Variants in ZEB1 observed in about 807,000 individuals in gnomAD.
The protein encoded by ZEB1 is zinc finger E-box binding homeobox 1.
A neutral mutation model predicts 84.9 loss-of-function variants in ZEB1; 21 were observed. The observed-to-expected ratio is 0.25, with a 90% confidence interval of 0.18 to 0.36. ZEB1 has a LOEUF of 0.36. Ranked by LOEUF, ZEB1 falls within the 10% of genes least tolerant of loss-of-function variation. The pLI, the probability that ZEB1 is intolerant of heterozygous loss-of-function variation, is 1.00. For missense variants in ZEB1, 1,104 were observed against 1,330.2 expected (o/e 0.83, Z 2.65); for synonymous variants, 420 against 471.1 (o/e 0.89, Z 1.41).
intron 1 of ZEB1, among the ~76,000 whole-genome samples, chr10:31,353,861 A>T (rs570091519): frequency 3.9e-5 from 6 of 152,312 alleles, no homozygotes; most frequent in Admixed American, 6.5e-5. Context: ...CAGAAGATTA[A>T]CTGAAAGCAC....
intron 1 of ZEB1, among the ~76,000 whole-genome samples, chr10:31,351,458 ATTCT>A (rs1170668392): frequency 1.3e-5 from 2 of 152,166 alleles, no homozygotes; most frequent in Admixed American, 6.6e-5. Flanking sequence ...CTATTTTAGA[ATTCT>A]TTATTTTCTA....
At chr10:31,369,870 T>C (rs2045383122) in intron 1 of ZEB1, among the ~76,000 whole-genome samples, 1 of 152,228 alleles carries the variant, frequency 6.6e-6, no homozygotes, top group African/African-American at 2.4e-5. Flanking sequence ...GTCCAACATT[T>C]ACCTTTCATC....
intron 1 of ZEB1, among the ~76,000 whole-genome samples, chr10:31,418,542 A>G (rs1057331767): frequency 3.3e-5 from 5 of 152,166 alleles, no homozygotes; most frequent in African/African-American, 7.2e-5. Context: ...TATTTAAAAA[A>G]TAAAAACAGA....
chr10:31,526,520 T>A (rs1299507843), intron 8 of ZEB1, 152 bp from the exon 9 acceptor site: 6 of 975,658 alleles, frequency 6.1e-6, no homozygotes, highest in Non-Finnish European at 9.0e-6. Context: ...CAAATTGCAA[T>A]ATTATATTAC....
rs528946684 is a variant in ZEB1 at position 31,451,515 on chromosome 10, T to C, written c.59-9522T>C. 5.9e-5 allele frequency among the ~76,000 whole-genome samples: 9 copies of C among 152,328 alleles called. No homozygotes were observed. The East Asian group carries it at 1.5e-3, about 26-fold the overall frequency. On this transcript the variant is annotated intron_variant, in intron 1 of 8. Transcript: ENST00000424869. ...ACTACCTATCTTCCATAAGTAACAG[T>C]TTCTATGAATTAAAAAGCATCCTTT...
At chr10:31,411,402 C>T (rs573497241) in intron 1 of ZEB1, among the ~76,000 whole-genome samples, 11 of 152,186 alleles carry the variant, frequency 7.2e-5, no homozygotes, top group Non-Finnish European at 5.9e-5. Context: ...GAGGCCGAGG[C>T]GAGTGGATCA....
chr10:31,422,299 G>A (rs2056301498), intron 1 of ZEB1, among the ~76,000 whole-genome samples: 1 of 152,174 alleles, frequency 6.6e-6, no homozygotes, highest in South Asian at 2.1e-4. Flanking sequence ...CTGAAGCTAT[G>A]AAGTAGAAAG....
At chr10:31,382,337 CT>C (rs1345567949) in intron 1 of ZEB1, among the ~76,000 whole-genome samples, 1 of 152,110 alleles carries the variant, frequency 6.6e-6, no homozygotes, top group Non-Finnish European at 1.5e-5. Flanking sequence ...TCTACTCATA[CT>C]TTACTGAATT....
chr10:31,358,181 A>T (rs2042410242), intron 1 of ZEB1: 1 of 152,208 alleles, frequency 6.6e-6, no homozygotes, highest in Non-Finnish European at 1.5e-5. Flanking sequence ...CGCATTGACC[A>T]CTGGGAGAGA....
chr10:31,446,351 T>A (rs996209090), intron 1 of ZEB1, among the ~76,000 whole-genome samples: 10 of 152,278 alleles, frequency 6.6e-5, no homozygotes, highest in Admixed American at 1.3e-4. Context: ...TGTTGATCCT[T>A]TCAAAAAACC....
intron 1 of ZEB1, among the ~76,000 whole-genome samples, chr10:31,369,261 A>G (rs555535051): frequency 6.6e-6 from 1 of 152,246 alleles, no homozygotes; most frequent in Non-Finnish European, 1.5e-5. Flanking sequence ...AATACTTAAA[A>G]CGTTATTATT....
intron 1 of ZEB1, among the ~76,000 whole-genome samples, chr10:31,382,344 G>A (rs996530862): frequency 6.6e-6 from 1 of 152,036 alleles, no homozygotes; most frequent in African/African-American, 2.4e-5. Context: ...ATACTTTACT[G>A]AATTAATACA....
intron 1 of ZEB1, among the ~76,000 whole-genome samples, chr10:31,410,525 A>T (rs569127132): frequency 1.3e-5 from 2 of 152,182 alleles, no homozygotes; most frequent in Non-Finnish European, 2.9e-5. Flanking sequence ...TCATAAAATG[A>T]GTTAGGGAGG....
intron 5 of ZEB1, among the ~76,000 whole-genome samples, chr10:31,513,143 A>T (rs1000446048): frequency 6.6e-5 from 10 of 152,132 alleles, no homozygotes. Context: ...AAGCAGGGAG[A>T]TCATTTAGAG....
intron 1 of ZEB1, among the ~76,000 whole-genome samples, chr10:31,370,136 T>C (rs947502933): frequency 6.6e-6 from 1 of 152,248 alleles, no homozygotes; most frequent in Non-Finnish European, 1.5e-5. Context: ...TTTGCAGATA[T>C]TTCTTTTTAT....
rs1324744707 is a variant in ZEB1, at chr10:31,520,325, A to G, written c.993A>G (p.Gln331=). 5.0e-6 allele frequency: 8 copies of G among 1,613,984 alleles called. No homozygotes were observed. The Admixed American group carries it at 5.0e-5, about 10-fold the overall frequency. Reference sequence around the variant, plus strand: ...GTCCCACACGACCACAGATACGGCAAAAGATAGAGAATAAACCCCTTCAAG... The same window carrying G: ...GTCCCACACGACCACAGATACGGCAGAAGATAGAGAATAAACCCCTTCAAG... The part of the protein sequence containing the change: ...PGSPTRPQIR[Q]KIENKPLQEQ... The change falls in exon 7 of 9, where the codon CAA becomes CAG. Residue 331 remains glutamine, a synonymous_variant. Coordinates refer to ENST00000424869, the MANE Select transcript of ZEB1 (RefSeq NM_001174096.2). The surrounding 1 kb of genome is among the most constrained non-coding windows in gnomAD (Gnocchi z 5.1).
At chr10:31,506,069 A>C (rs891231673) in intron 4 of ZEB1, among the ~76,000 whole-genome samples, 2 of 151,916 alleles carry the variant, frequency 1.3e-5, no homozygotes, top group African/African-American at 4.8e-5. Context: ...GTGTGTGTAG[A>C]GTTTCCAAAG....
chr10:31,449,721 A>G (rs181425617), intron 1 of ZEB1, among the ~76,000 whole-genome samples: 1 of 152,198 alleles, frequency 6.6e-6, no homozygotes. Flanking sequence ...ACTCTCTGGT[A>G]TATCTAGTTT....
At chr10:31,408,683 G>T (rs1356202846) in intron 1 of ZEB1, among the ~76,000 whole-genome samples, 3 of 144,694 alleles carry the variant, frequency 2.1e-5, no homozygotes, top group Admixed American at 6.8e-5. Flanking sequence ...GGGAAAACTG[G>T]CTAGCCATAT....
Sources: gnomAD v4.1 joint callset for allele counts (sites outside exome capture counted in the v4.1 genomes callset) on GRCh38, gnomAD v4.1.1 for gene constraint, Gnocchi (gnomAD v3.1) non-coding constraint, MANE v1.5 for transcripts, NCBI Gene and HGNC (gene_info 2026-07-23, HGNC 2026-07-21) for gene names.